The following AGBL5 variants were observed in gnomAD, a reference collection of about 807,000 sequenced individuals.
AGBL5 encodes cytosolic carboxypeptidase-like protein 5.
AGBL5 carries 51 observed loss-of-function variants against 88.0 expected under a neutral mutation model. The ratio of observed to expected loss-of-function variants is 0.58; its 90% CI spans 0.46 to 0.73. The LOEUF is 0.73. AGBL5 is among the 30% of genes least tolerant of loss of function. The probability of loss-of-function intolerance (pLI) is 0.00; values close to 1 mark genes in which losing one functional copy is unlikely to be tolerated. For synonymous variants in AGBL5, 446 were observed against 438.8 expected (o/e 1.02, Z -0.21); for missense variants, 1,031 against 1,162.2 (o/e 0.89, Z 1.64).
At chr2:27,050,724 C>G (rs1221858849), upstream of AGBL5, among the ~76,000 whole-genome samples, 1 of 152,208 alleles carries the variant, frequency 6.6e-6, no homozygotes, top group African/African-American at 2.4e-5. Context: ...GGGGTCATGG[C>G]TGGATGAGGT....
Position 27,055,848 on chromosome 2 carries a change from G to C in AGBL5, c.1075G>C (p.Asp359His). The C allele has an allele frequency of 6.2e-7, 1 of 1,614,170 alleles. No homozygotes were observed. The highest frequency in any genetic ancestry group is 8.5e-7 in the Non-Finnish European group (1 of 1,180,034). ...EHQPSSCLPP[D>H]APVSDLEKAN... ...CCAGCCCAGTTCCTGTCTCCCTCCT[G>C]ATGCTCCTGTTTCTGACCTGGAGAA... Residue 359 changes from aspartate (D) to histidine (H), a missense_variant, in exon 7 of 15, where the codon GAT becomes CAT. Around this residue, in one of 2 missense-constraint regions of AGBL5, gnomAD observed 540 missense variants for 678.2 expected, o/e 0.80. Transcript: ENST00000360131.
chr2:27,059,267 G>C lies in AGBL5; in HGVS notation c.1952G>C (p.Ser651Thr). ...AGCACCGGCACAAGTGCCGGTGGTA[G>C]CAGCAGCAGCCAACAAAATTCTCCA... Reference protein sequence around the residue: ...SFSTGTSAGGSSSSQQNSPQM... With the variant: ...SFSTGTSAGGTSSSQQNSPQM... Residue 651 changes from serine to threonine, a missense_variant, in exon 11 of 15, where the codon AGC becomes ACC. Transcript: ENST00000360131. 6.2e-7 allele frequency: 1 copy of C among 1,614,188 alleles called. No homozygotes were observed. Among genetic ancestry groups the C allele is most frequent in the South Asian group, 1.1e-5 (1 of 91,086 alleles).
At chr2:27,052,616 C>T (rs1289344939) in intron 1 of AGBL5, 2 of 177,760 alleles carry the variant, frequency 1.1e-5, no homozygotes, top group Middle Eastern at 2.2e-3. Context: ...GGCTGCAAAG[C>T]AGCTGAGAGT....
chr2:27,059,519 A>T, intron 11 of AGBL5, 115 bp downstream of exon 11: 1 of 1,545,602 alleles, frequency 6.5e-7, no homozygotes, highest in Non-Finnish European at 8.7e-7. Flanking sequence ...AATCAATAAA[A>T]TTAGTTTGTA....
chr2:27,069,747 C>A, intron 14 of AGBL5, 41 bp downstream of exon 14: 1 of 1,576,144 alleles, frequency 6.3e-7, no homozygotes, highest in South Asian at 1.1e-5. Context: ...CCCCTCACTT[C>A]TGTCCCCTCA....
chr2:27,050,939 T>C (rs2148259957), upstream of AGBL5: 1 of 152,370 alleles, frequency 6.6e-6, no homozygotes, highest in South Asian at 2.1e-4. Context: ...GGAGGCCTCC[T>C]GTGACTTAGC....
At chr2:27,054,087 C>T (rs766782738) in intron 4 of AGBL5, 28 bp downstream of exon 4, 2 of 1,599,214 alleles carry the variant, frequency 1.3e-6, no homozygotes, top group South Asian at 1.1e-5. Context: ...ACTCCTGCCA[C>T]ACAGTCCTGG....
chr2:27,069,976 C>T (rs939319587), intron 14 of AGBL5, 116 bp from the exon 15 acceptor site: 1 of 1,520,970 alleles, frequency 6.6e-7, no homozygotes, highest in African/African-American at 1.4e-5. Flanking sequence ...ACCAACTTGC[C>T]CATCCTTACC....
At chr2:27,057,585 G>A in intron 9 of AGBL5, 147 bp downstream of exon 9, 2 of 958,706 alleles carry the variant, frequency 2.1e-6, no homozygotes, top group Non-Finnish European at 3.0e-6. Context: ...TCAGTTAACA[G>A]GAGCATAACT....
In AGBL5 at chr2:27,053,282, T is replaced by C; in HGVS notation, c.215+109T>C. On this transcript the variant is annotated intron_variant, in intron 2 of 14. Coordinates refer to ENST00000360131, the MANE Select transcript of AGBL5 (RefSeq NM_021831.6). The surrounding 1 kb of genome is among the most constrained non-coding windows in gnomAD (Gnocchi z 4.9). ...ATACTCCCTGTCCATTTCTGACCCA[T>C]CGTCCCTCCTTTCTCCTTGCCAAAT... The C allele has an allele frequency of 6.6e-7, 1 of 1,521,310 alleles. No individual in the cohort carries two copies. The highest frequency in any genetic ancestry group is 8.9e-7 in the Non-Finnish European group (1 of 1,123,334). The allele number at this position is 1,521,310 out of a possible 1,614,324, so 94.2% of individuals were successfully genotyped here.
chr2:27,063,527 G>C (rs181713022), intron 11 of AGBL5, among the ~76,000 whole-genome samples: 1 of 151,794 alleles, frequency 6.6e-6, no homozygotes, highest in Non-Finnish European at 1.5e-5. Context: ...CCCAGGAGGC[G>C]GAGCTGGCAG....
At chr2:27,052,469 C>T (rs1668206834) in intron 1 of AGBL5, 2 of 152,404 alleles carry the variant, frequency 1.3e-5, no homozygotes, top group Non-Finnish European at 2.9e-5. Flanking sequence ...CTCGATTCCT[C>T]TCTCTGCTCT....
chr2:27,058,794 C>G (rs1387718031), intron 10 of AGBL5, among the ~76,000 whole-genome samples, 192 bp downstream of exon 10: 1 of 152,204 alleles, frequency 6.6e-6, no homozygotes, highest in Non-Finnish European at 1.5e-5. Flanking sequence ...TTATTCTGAG[C>G]TACATACACC....
chr2:27,056,195 G>A lies in AGBL5; in HGVS notation c.1365+57G>A, dbSNP rs1668426169. The A allele has an allele frequency of 1.7e-5, 27 of 1,552,602 alleles. No individual in the cohort carries two copies. The South Asian group carries it at 2.8e-4, about 16-fold the overall frequency. ...AGAAGTGTTACAGGTTAGGAGATGGGGTTAGGCCATGAACAGAAGGAAGAT... is the reference window on the plus strand; with the variant it reads ...AGAAGTGTTACAGGTTAGGAGATGGAGTTAGGCCATGAACAGAAGGAAGAT... On this transcript the variant is annotated intron_variant, in intron 7 of 14. Transcript: ENST00000360131.
chr2:27,058,125 C>CTTCTGTAGGAGAT (rs1468921373), intron 9 of AGBL5, among the ~76,000 whole-genome samples: 10 of 152,138 alleles, frequency 6.6e-5, no homozygotes, highest in African/African-American at 2.2e-4. Context: ...GATTCAAACC[C>CTTCTGTAGGAGAT]CTTTCCTGCT....
chr2:27,060,016 G>T (rs1030640873), intron 11 of AGBL5, among the ~76,000 whole-genome samples: 5 of 152,198 alleles, frequency 3.3e-5, no homozygotes, highest in African/African-American at 1.2e-4. Flanking sequence ...AGGCATGGTG[G>T]TGCACACCTG....
chr2:27,053,247 C>T lies in AGBL5; in HGVS notation c.215+74C>T. Reference sequence around the variant, plus strand: ...CAGTTAGCCCTCTGACTTATCTGTTCATACCCAGCATACTCCCTGTCCATT... The same window carrying T: ...CAGTTAGCCCTCTGACTTATCTGTTTATACCCAGCATACTCCCTGTCCATT... On this transcript the variant is annotated intron_variant, in intron 2 of 14. Coordinates refer to ENST00000360131, the MANE Select transcript of AGBL5 (RefSeq NM_021831.6). The surrounding 1 kb of genome is among the most constrained non-coding windows in gnomAD (Gnocchi z 4.9). The T allele has an allele frequency of 6.6e-7, 1 of 1,514,806 alleles. No homozygotes were observed. Among genetic ancestry groups the T allele is most frequent in the African/African-American group, 1.4e-5 (1 of 72,456 alleles). The allele number at this position is 1,514,806 out of a possible 1,614,324, so 93.8% of individuals were successfully genotyped here.
intron 13 of AGBL5, chr2:27,069,060 A>G: frequency 1.5e-6 from 2 of 1,365,530 alleles, no homozygotes; most frequent in South Asian, 1.2e-5. Flanking sequence ...CTGTCCGAGG[A>G]GAGTTTCCGC....
chr2:27,066,185 G>A (rs1427593774), intron 11 of AGBL5, among the ~76,000 whole-genome samples: 1 of 135,308 alleles, frequency 7.4e-6, no homozygotes, highest in Non-Finnish European at 1.5e-5. Flanking sequence ...AGTGAGCCAT[G>A]TTCATGCCAC....
Sources: gnomAD v4.1 joint callset for allele counts (sites outside exome capture counted in the v4.1 genomes callset) on GRCh38, gnomAD v4.1.1 for gene constraint, gnomAD v4.1.1 regional missense constraint, Gnocchi (gnomAD v3.1) non-coding constraint, MANE v1.5 for transcripts, NCBI Gene and HGNC (gene_info 2026-07-23, HGNC 2026-07-21) for gene names.